XYLT1: variants seen among roughly 807,000 people sequenced by gnomAD.
The protein encoded by XYLT1 is beta-D-xylosyltransferase 1.
XYLT1 carries 36 observed loss-of-function variants against 91.3 expected under a neutral mutation model. That is an observed-to-expected ratio of 0.39 (90% CI 0.30 to 0.52). The LOEUF is 0.52. Ranked by LOEUF, XYLT1 falls within the 20% of genes least tolerant of loss-of-function variation. The pLI is 0.68. For missense variants in XYLT1, 1,242 were observed against 1,284.5 expected (o/e 0.97, Z 0.51); for synonymous variants, 588 against 532.0 (o/e 1.11, Z -1.45).
chr16:17,331,870 G>A (rs2034903345), intron 2 of XYLT1, among the ~76,000 whole-genome samples: 1 of 152,174 alleles, frequency 6.6e-6, no homozygotes, highest in Admixed American at 6.5e-5. Flanking sequence ...TTGAATGTAA[G>A]TTTCCCTAAC....
At chr16:17,457,641 A>C (rs1437044433) in intron 1 of XYLT1, among the ~76,000 whole-genome samples, 1 of 152,222 alleles carries the variant, frequency 6.6e-6, no homozygotes, top group Non-Finnish European at 1.5e-5. Context: ...GGTTACAAGA[A>C]AAAGCAGGCA....
At chr16:17,221,148 C>T (rs76117175) in intron 3 of XYLT1, among the ~76,000 whole-genome samples, 2,468 of 152,132 alleles carry the variant, frequency 0.016, 65 homozygotes, top group African/African-American at 0.056. Context: ...CGTCCCTCTC[C>T]GGCAGCCATC....
intron 2 of XYLT1, among the ~76,000 whole-genome samples, chr16:17,318,061 T>C (rs1210172934): frequency 2.6e-5 from 4 of 152,254 alleles, no homozygotes. Flanking sequence ...CGTTCTTATG[T>C]ATTTCCTTAT....
intron 5 of XYLT1, among the ~76,000 whole-genome samples, chr16:17,162,725 A>G (rs1295273901): frequency 1.3e-5 from 2 of 152,264 alleles, no homozygotes; most frequent in Non-Finnish European, 2.9e-5. Context: ...ATACCTATTG[A>G]GCAACAGAGC....
intron 2 of XYLT1, among the ~76,000 whole-genome samples, chr16:17,325,361 A>T (rs1446202350): frequency 5.9e-5 from 9 of 152,224 alleles, no homozygotes; most frequent in Admixed American, 1.3e-4. Context: ...AGATGGTGCC[A>T]CTGCACTCTA....
intron 1 of XYLT1, among the ~76,000 whole-genome samples, chr16:17,390,614 A>T (rs2035804899): frequency 6.6e-6 from 1 of 152,238 alleles, no homozygotes; most frequent in Non-Finnish European, 1.5e-5. Flanking sequence ...ACCGCTCATG[A>T]TCATTCCTGG....
At chr16:17,116,541 G>A (rs1366287653) in intron 11 of XYLT1, among the ~76,000 whole-genome samples, 1 of 152,156 alleles carries the variant, frequency 6.6e-6, no homozygotes, top group Non-Finnish European at 1.5e-5. Flanking sequence ...GTACTCCATT[G>A]TATGAACAGC....
rs956227622 is a variant in XYLT1 at position 17,191,807 on chromosome 16, T to C, written c.1289+6405A>G. Among the ~76,000 whole-genome samples, 3 of 152,230 alleles carry C rather than the reference T, an allele frequency of 2.0e-5. 1 individual carries two copies. Among genetic ancestry groups the C allele is most frequent in the African/African-American group, 7.2e-5 (3 of 41,454 alleles). ...GACAGACATTTGGATCTGCAGTTAATGTAACTTACATGTCCATGTGGTGGG... is the reference window on the plus strand; with the variant it reads ...GACAGACATTTGGATCTGCAGTTAACGTAACTTACATGTCCATGTGGTGGG... On this transcript the variant is annotated intron_variant, in intron 5 of 11. Transcript: ENST00000261381.
chr16:17,283,475 T>A (rs765941441), intron 2 of XYLT1, among the ~76,000 whole-genome samples: 1 of 152,064 alleles, frequency 6.6e-6, no homozygotes, highest in Admixed American at 6.5e-5. Flanking sequence ...TGTGCACACA[T>A]AGGCACACAC....
At chr16:17,230,764 T>C (rs1443450747) in intron 3 of XYLT1, among the ~76,000 whole-genome samples, 4 of 152,222 alleles carry the variant, frequency 2.6e-5, no homozygotes, top group African/African-American at 9.6e-5. Flanking sequence ...ATTTCAGGCC[T>C]ATTCTCTTCT....
At chr16:17,434,221 C>T (rs2036424092) in intron 1 of XYLT1, among the ~76,000 whole-genome samples, 2 of 152,164 alleles carry the variant, frequency 1.3e-5, no homozygotes, top group Admixed American at 6.5e-5. Context: ...TCATCAATGT[C>T]AAATGATGTT....
chr16:17,285,922 ATG>A (rs1232695330), intron 2 of XYLT1, among the ~76,000 whole-genome samples: 1 of 97,236 alleles, frequency 1.0e-5, no homozygotes, highest in Non-Finnish European at 2.2e-5. Context: ...GTGTGTGTCC[ATG>A]TGTGTGTGAG....
At chr16:17,421,862 G>T (rs530784018) in intron 1 of XYLT1, among the ~76,000 whole-genome samples, 2 of 151,768 alleles carry the variant, frequency 1.3e-5, no homozygotes, top group African/African-American at 4.8e-5. Flanking sequence ...TTTCAAGACC[G>T]AGTCTCACTC....
chr16:17,306,656 C>T (rs1038908718), intron 2 of XYLT1, among the ~76,000 whole-genome samples: 2 of 151,938 alleles, frequency 1.3e-5, no homozygotes, highest in Non-Finnish European at 2.9e-5. Context: ...TTCCAAAAAA[C>T]TGGATATGAA....
At chr16:17,138,784 C>CCTGA (rs1340621128) in intron 7 of XYLT1, 3 of 420,680 alleles carry the variant, frequency 7.1e-6, no homozygotes, top group African/African-American at 3.9e-5. Context: ...AACACAACTA[C>CCTGA]CTGACTGTCA....
At chr16:17,257,530 C>G (rs939154180) in intron 3 of XYLT1, among the ~76,000 whole-genome samples, 1 of 152,070 alleles carries the variant, frequency 6.6e-6, no homozygotes, top group Middle Eastern at 3.2e-3. Flanking sequence ...TAAGAGTGCT[C>G]CCAGAGGCTG....
At chr16:17,150,675 T>C (rs1200461800) in intron 6 of XYLT1, among the ~76,000 whole-genome samples, 3 of 152,160 alleles carry the variant, frequency 2.0e-5, no homozygotes, top group Admixed American at 1.3e-4. Flanking sequence ...AATCAAGCCT[T>C]AGTGTCAGGC....
chr16:17,203,509 C>G (rs1264899086), intron 3 of XYLT1, among the ~76,000 whole-genome samples: 1 of 151,764 alleles, frequency 6.6e-6, no homozygotes, highest in Non-Finnish European at 1.5e-5. Flanking sequence ...CATCCCTCCA[C>G]CCATCCACCC....
intron 7 of XYLT1, 132 bp from the exon 8 acceptor site, chr16:17,138,663 A>G (rs2030861494): frequency 7.3e-6 from 8 of 1,096,542 alleles, no homozygotes; most frequent in Non-Finnish European, 9.1e-6. Context: ...GCATCTCATC[A>G]GAAGCTGGGC....
Sources: gnomAD v4.1 joint callset for allele counts (sites outside exome capture counted in the v4.1 genomes callset) on GRCh38, gnomAD v4.1.1 for gene constraint, MANE v1.5 for transcripts, NCBI Gene and HGNC (gene_info 2026-07-23, HGNC 2026-07-21) for gene names.